ST6GALNAC1: variants seen among roughly 807,000 people sequenced by gnomAD.
ST6GALNAC1 encodes ST6 N-acetylgalactosaminide alpha-2,6-sialyltransferase 1, also known as alpha-N-acetylgalactosaminide alpha-2,6-sialyltransferase 1.
Under a neutral mutation model 56.8 loss-of-function variants are expected in ST6GALNAC1, and 45 were observed. That is an observed-to-expected ratio of 0.79 (90% CI 0.62 to 1.02). ST6GALNAC1 has a LOEUF of 1.02. ST6GALNAC1 is among the 50% of genes least tolerant of loss of function. ST6GALNAC1 has a pLI of 0.00. For missense variants in ST6GALNAC1, 743 were observed against 754.8 expected (o/e 0.98, Z 0.18); for synonymous variants, 295 against 297.8 (o/e 0.99, Z 0.10).
intron 1 of ST6GALNAC1, among the ~76,000 whole-genome samples, chr17:76,638,734 C>A (rs1464895380): frequency 1.3e-4 from 20 of 152,138 alleles, no homozygotes; most frequent in African/African-American, 4.8e-4. Flanking sequence ...GGCACCGGAC[C>A]ATGCCCGGCT....
At chr17:76,633,767 C>G (rs1297228692) in intron 1 of ST6GALNAC1, 2 of 152,148 alleles carry the variant, frequency 1.3e-5, no homozygotes, top group African/African-American at 4.8e-5. Context: ...CATGTGCCCC[C>G]AGGCCCAGCT....
chr17:76,620,877 G>T (rs113943821), downstream of ST6GALNAC1, among the ~76,000 whole-genome samples: 1 of 151,978 alleles, frequency 6.6e-6, no homozygotes, highest in Non-Finnish European at 1.5e-5. Flanking sequence ...TTACAGGCAT[G>T]AGCCACCATG....
At chr17:76,639,392 A>G (rs1046137911) in intron 1 of ST6GALNAC1, among the ~76,000 whole-genome samples, 1 of 152,030 alleles carries the variant, frequency 6.6e-6, no homozygotes, top group African/African-American at 2.4e-5. Context: ...CCTGGCCAAC[A>G]TGGCAAAACC....
chr17:76,631,517 G>C (rs1188362375), intron 1 of ST6GALNAC1, among the ~76,000 whole-genome samples: 1 of 152,178 alleles, frequency 6.6e-6, no homozygotes, highest in East Asian at 1.9e-4. Context: ...GCAGGAAGTA[G>C]TTGAGCCTCT....
chr17:76,627,403 T>G lies in ST6GALNAC1; in HGVS notation c.1000+12A>C. ...CTGCGCACCCACACCTTCCCCTGGG[T>G]TAAGGACTCACAGGAGTAGTTGAGC... On this transcript the variant is annotated intron_variant, in intron 3 of 8. Transcript: ENST00000156626. The surrounding 1 kb of genome is among the most constrained non-coding windows in gnomAD (Gnocchi z 4.4). 6.2e-7 allele frequency: 1 copy of G among 1,613,904 alleles called. No homozygotes were observed. Among genetic ancestry groups the G allele is most frequent in the Non-Finnish European group, 8.5e-7 (1 of 1,179,916 alleles).
At chr17:76,639,405 G>A (rs1040650083) in intron 1 of ST6GALNAC1, among the ~76,000 whole-genome samples, 2 of 151,856 alleles carry the variant, frequency 1.3e-5, no homozygotes, top group Non-Finnish European at 2.9e-5. Context: ...GCAAAACCCT[G>A]TCTCCACTAA....
intron 2 of ST6GALNAC1, 82 bp downstream of exon 2, chr17:76,628,930 G>T (rs2075850098): frequency 7.9e-7 from 1 of 1,261,090 alleles, no homozygotes; most frequent in Non-Finnish European, 1.1e-6. Context: ...CCCAGGAGGT[G>T]AGGAGAGGGT....
rs935528398 is a variant in ST6GALNAC1, at chr17:76,627,835, C to A, written c.832-252G>T. The stretch of plus-strand genomic sequence containing the variant: ...CACCTAGGCCGGGTGTGGTGGCTCA[C>A]GCCTGTAATCCTAGCACTTTGGGAG... On this transcript the variant is annotated intron_variant, in intron 2 of 8. Transcript: ENST00000156626. This position sits in a 1 kb window ranked among gnomAD's most constrained non-coding sequence, Gnocchi z 4.4. Among the ~76,000 whole-genome samples the A allele has an allele frequency of 2.6e-5, 4 of 152,134 alleles. No homozygotes were observed. Among genetic ancestry groups the A allele is most frequent in the Admixed American group, 2.6e-4 (4 of 15,278 alleles).
At chr17:76,633,657 G>A (rs912926452) in intron 1 of ST6GALNAC1, 1 of 151,878 alleles carries the variant, frequency 6.6e-6, no homozygotes, top group African/African-American at 2.4e-5. Context: ...AGTCTCTGTT[G>A]TCTAGGCTGG....
chr17:76,627,302 TCCTCCCAGGTCTGGCAAA>T lies in ST6GALNAC1; in HGVS notation c.1001-82_1001-65del. On this transcript the variant is annotated intron_variant, in intron 3 of 8. Coordinates refer to ENST00000156626, the MANE Select transcript of ST6GALNAC1 (RefSeq NM_018414.5). The surrounding 1 kb of genome is among the most constrained non-coding windows in gnomAD (Gnocchi z 4.4). ...GAGGGACAGGAGTCCGACCCATCATTCCTCCCAGGTCTGGCAAACCCCAGGGAAGAGGCAGACCAGAAA... is the reference window on the plus strand; with the variant it reads ...GAGGGACAGGAGTCCGACCCATCATTCCCCAGGGAAGAGGCAGACCAGAAA... The T allele has an allele frequency of 6.4e-7, 1 of 1,556,082 alleles. No individual in the cohort carries two copies. The highest frequency in any genetic ancestry group is 1.2e-5 in the South Asian group (1 of 81,534).
At chr17:76,633,092 C>G (rs186678918) in intron 1 of ST6GALNAC1, among the ~76,000 whole-genome samples, 173 of 152,130 alleles carry the variant, frequency 1.1e-3, no homozygotes, top group Non-Finnish European at 2.1e-3. Context: ...ACCTGTAATC[C>G]CAGCTATTCC....
intron 5 of ST6GALNAC1, 53 bp from the exon 6 acceptor site, chr17:76,626,445 C>T (rs558781578): frequency 6.3e-7 from 1 of 1,578,036 alleles, no homozygotes; most frequent in South Asian, 1.1e-5. Flanking sequence ...AGGACCACCA[C>T]CGAGGGTGGC....
intron 1 of ST6GALNAC1, among the ~76,000 whole-genome samples, chr17:76,630,549 C>T (rs968868916): frequency 2.6e-5 from 4 of 151,812 alleles, no homozygotes; most frequent in African/African-American, 9.7e-5. Flanking sequence ...AGTTCTTCCT[C>T]CTTACCTCCC....
chr17:76,623,047 CCT>C (rs1390651738), downstream of ST6GALNAC1, among the ~76,000 whole-genome samples: 4 of 152,158 alleles, frequency 2.6e-5, no homozygotes, highest in African/African-American at 9.7e-5. Flanking sequence ...CCTGCCTCGG[CCT>C]CTGTCATTTC....
At chr17:76,630,780 G>A (rs370131277) in intron 1 of ST6GALNAC1, among the ~76,000 whole-genome samples, 2 of 150,764 alleles carry the variant, frequency 1.3e-5, no homozygotes, top group African/African-American at 4.9e-5. Flanking sequence ...TAGTAGAGAT[G>A]GGGTTTCACC....
At chr17:76,637,525 C>T in intron 1 of ST6GALNAC1, 1 of 393,820 alleles carries the variant, frequency 2.5e-6, no homozygotes. Flanking sequence ...TGAATGCAAT[C>T]ATACAATTAT....
chr17:76,629,949 A>C (rs1411843836), intron 1 of ST6GALNAC1, among the ~76,000 whole-genome samples: 1 of 151,366 alleles, frequency 6.6e-6, no homozygotes, highest in Non-Finnish European at 1.5e-5. Flanking sequence ...TGCCTGGCTA[A>C]TTTTTGTATT....
chr17:76,625,957 C>T, intron 7 of ST6GALNAC1, 39 bp from the exon 8 acceptor site: 1 of 1,606,496 alleles, frequency 6.2e-7, no homozygotes, highest in South Asian at 1.1e-5. Context: ...CAGGAGGCTG[C>T]AAGGATAACA....
downstream of ST6GALNAC1, among the ~76,000 whole-genome samples, chr17:76,621,276 G>A (rs1318725594): frequency 2.9e-5 from 4 of 137,778 alleles, no homozygotes; most frequent in Admixed American, 1.6e-4. Flanking sequence ...TCCGCCTTTT[G>A]GGTTCAAGCA....
Sources: allele counts gnomAD v4.1 joint callset (sites outside exome capture counted in the v4.1 genomes callset), GRCh38; gene constraint gnomAD v4.1.1; non-coding constraint Gnocchi (gnomAD v3.1); transcripts MANE v1.5; gene names NCBI Gene and HGNC (gene_info 2026-07-23, HGNC 2026-07-21).